DENND2B: variants seen among roughly 807,000 people sequenced by gnomAD.
DENND2B encodes the protein DENN domain-containing protein 2B.
A neutral mutation model predicts 116.0 loss-of-function variants in DENND2B; 32 were observed. The observed-to-expected ratio is 0.28, with a 90% CI of 0.21 to 0.37. DENND2B has a LOEUF of 0.37. DENND2B is among the 10% of genes least tolerant of loss of function. The pLI is 1.00. For missense variants in DENND2B, 1,276 were observed against 1,477.7 expected (o/e 0.86, Z 2.24); for synonymous variants, 588 against 583.9 (o/e 1.01, Z -0.10).
At chr11:8,773,966 G>A (rs554302646) in intron 1 of DENND2B, among the ~76,000 whole-genome samples, 1 of 152,324 alleles carries the variant, frequency 6.6e-6, no homozygotes, top group South Asian at 2.1e-4. Flanking sequence ...GGTGATCTTT[G>A]GGTATGAAAC....
At position 8,760,739 on chromosome 11, in the gene DENND2B, T is replaced by C. The variant is rs566045425; in HGVS notation, c.-25-10014A>G. 4.1e-4 allele frequency among the ~76,000 whole-genome samples: 63 copies of C among 152,332 alleles called. 1 individual carries two copies. Among genetic ancestry groups the C allele is most frequent in the Middle Eastern group, 3.4e-3 (1 of 294 alleles). On this transcript the variant is annotated intron_variant, in intron 1 of 19. Transcript: ENST00000313726. ...CTACTTCTATACACATTGTAAATCT[T>C]AGATCTTCTCCATTCCAGCCCCAGG...
intron 3 of DENND2B, among the ~76,000 whole-genome samples, chr11:8,849,153 T>G (rs553973355): frequency 2.6e-5 from 4 of 152,018 alleles, no homozygotes; most frequent in Non-Finnish European, 5.9e-5. Flanking sequence ...CACTGAACAC[T>G]TAAAATAAGA....
At chr11:8,694,558 G>A in intron 19 of DENND2B, 1 of 458,158 alleles carries the variant, frequency 2.2e-6, no homozygotes, top group South Asian at 1.5e-5. Flanking sequence ...TGATGTATGT[G>A]GGAACCTGGG....
At position 8,730,992 on chromosome 11, in the gene DENND2B, C is replaced by T. The variant is rs775023845; in HGVS notation, c.298G>A (p.Gly100Ser). ...GCCGAAGGGCTTCTGTCCAAATAAC[C>T]GAAGCTGGCGGTCTTGAAGGGACAG... ...PTCPFKTASF[G>S]YLDRSPSACK... Residue 100 changes from glycine to serine, a missense_variant, in exon 3 of 20, where the codon GGT (glycine) becomes AGT (serine). Coordinates refer to ENST00000313726, the MANE Select transcript of DENND2B (RefSeq NM_213618.2). This position sits in a 1 kb window ranked among gnomAD's most constrained non-coding sequence, Gnocchi z 4.1. 2 of 1,614,138 alleles carry T rather than the reference C, an allele frequency of 1.2e-6. No individual in the cohort carries two copies. Among genetic ancestry groups the T allele is most frequent in the Non-Finnish European group, 1.7e-6 (2 of 1,180,042 alleles).
chr11:8,846,971 G>A (rs2062837583), intron 3 of DENND2B, among the ~76,000 whole-genome samples: 1 of 151,198 alleles, frequency 6.6e-6, no homozygotes, highest in South Asian at 2.1e-4. Context: ...CAGTTCCAAT[G>A]GACACACACT....
At chr11:8,756,537 A>G (rs2053639820) in intron 1 of DENND2B, among the ~76,000 whole-genome samples, 1 of 152,224 alleles carries the variant, frequency 6.6e-6, no homozygotes, top group African/African-American at 2.4e-5. Context: ...ACAGGGGCGC[A>G]CTAGGTTAGA....
Position 8,702,818 on chromosome 11 carries a change from C to G in DENND2B, c.2572-98G>C. The G allele has an allele frequency of 6.8e-7, 1 of 1,476,048 alleles. No homozygotes were observed. The highest frequency in any genetic ancestry group is 9.2e-7 in the Non-Finnish European group (1 of 1,091,310). The allele number at this position is 1,476,048 out of a possible 1,614,324, so 91.4% of individuals were successfully genotyped here. On this transcript the variant is annotated intron_variant, in intron 13 of 19. Coordinates refer to ENST00000313726, the MANE Select transcript of DENND2B (RefSeq NM_213618.2). This position sits in a 1 kb window ranked among gnomAD's most constrained non-coding sequence, Gnocchi z 4.6. ...ACTGGAGCTGCTTTCCCCTTCCAAC[C>G]TGCTCTTTTCCAGGTCTCTCGTCTA...
intron 2 of DENND2B, among the ~76,000 whole-genome samples, chr11:8,747,941 T>A (rs1397875507): frequency 6.6e-6 from 1 of 152,122 alleles, no homozygotes; most frequent in Non-Finnish European, 1.5e-5. Flanking sequence ...AGGTGAAGTC[T>A]TACACAAATT....
At chr11:8,844,321 G>T (rs1200427096) in intron 3 of DENND2B, among the ~76,000 whole-genome samples, 1 of 152,210 alleles carries the variant, frequency 6.6e-6, no homozygotes, top group Admixed American at 6.5e-5. Context: ...GATGGCTTGA[G>T]CCCGGGAGAT....
At chr11:8,849,822 C>CA (rs10646471) in intron 3 of DENND2B, among the ~76,000 whole-genome samples, 70,729 of 140,464 alleles carry the variant, frequency 0.5, 18,695 homozygotes, top group Middle Eastern at 0.74. Context: ...GTCTCCATCT[C>CA]AAAAAAAAAA....
chr11:8,815,170 A>G (rs2061524982), upstream of DENND2B, among the ~76,000 whole-genome samples: 1 of 152,174 alleles, frequency 6.6e-6, no homozygotes, highest in Non-Finnish European at 1.5e-5. Context: ...CTCCAAGGAC[A>G]AAACACCTCC....
At chr11:8,859,387 A>G (rs2063315893) in intron 2 of DENND2B, among the ~76,000 whole-genome samples, 1 of 152,008 alleles carries the variant, frequency 6.6e-6, no homozygotes, top group Non-Finnish European at 1.5e-5. Context: ...GGCTCACTGC[A>G]AGCTCCGCCT....
chr11:8,895,186 G>A (rs1217160452), intron 1 of DENND2B, among the ~76,000 whole-genome samples: 2 of 152,022 alleles, frequency 1.3e-5, no homozygotes, highest in Non-Finnish European at 2.9e-5. Context: ...ACTCATAGGT[G>A]GGAAGTGAAC....
chr11:8,796,128 C>G (rs1442204208), intron 1 of DENND2B, among the ~76,000 whole-genome samples: 3 of 152,214 alleles, frequency 2.0e-5, no homozygotes, highest in Admixed American at 2.0e-4. Flanking sequence ...GCTGATTGGG[C>G]TGACCACAGA....
rs139942278 is a variant in DENND2B at position 8,702,586 on chromosome 11, C to T, written c.2706G>A (p.Val902=). Residue 902 remains valine (V), a synonymous_variant, in exon 14 of 20, where the codon GTG becomes GTA. Coordinates refer to ENST00000313726, the MANE Select transcript of DENND2B (RefSeq NM_213618.2). This position sits in a 1 kb window ranked among gnomAD's most constrained non-coding sequence, Gnocchi z 4.6. ...SLLLERRVIF[V]ADKLSTLSSC... is the part of the protein sequence containing the mutation. ...CTGGGCCCTACCTGAGCTTATCTGC[C>T]ACAAAAATGACCCGGCGCTCCAGCA... The T allele has an allele frequency of 7.1e-5, 114 of 1,612,850 alleles. No individual in the cohort carries two copies. The African/African-American group carries it at 1.4e-3, about 20-fold the overall frequency.
At chr11:8,909,442 AAGGAGAAGG>A (rs767193483) in intron 1 of DENND2B, among the ~76,000 whole-genome samples, 9 of 59,846 alleles carry the variant, frequency 1.5e-4, no homozygotes, top group Non-Finnish European at 3.1e-4. Flanking sequence ...GAGGAGGAAG[AAGGAGAAGG>A]AGAAGGAGAA....
At chr11:8,695,215 G>A (rs1003904659) in intron 19 of DENND2B, among the ~76,000 whole-genome samples, 2 of 152,186 alleles carry the variant, frequency 1.3e-5, no homozygotes, top group Non-Finnish European at 2.9e-5. Context: ...TTGAGCATCT[G>A]TGGATTTTGG....
chr11:8,879,464 G>A (rs2063879187), intron 2 of DENND2B, among the ~76,000 whole-genome samples: 1 of 152,178 alleles, frequency 6.6e-6, no homozygotes, highest in African/African-American at 2.4e-5. Flanking sequence ...GGATATGAAG[G>A]CAATATGAAG....
At chr11:8,740,233 T>A (rs2049959456) in intron 2 of DENND2B, among the ~76,000 whole-genome samples, 2 of 150,566 alleles carry the variant, frequency 1.3e-5, no homozygotes, top group African/African-American at 2.4e-5. Flanking sequence ...AGAAAAAGCA[T>A]CATGTGTATG....
Sources: allele counts gnomAD v4.1 joint callset (sites outside exome capture counted in the v4.1 genomes callset), GRCh38; gene constraint gnomAD v4.1.1; non-coding constraint Gnocchi (gnomAD v3.1); transcripts MANE v1.5; gene names NCBI Gene and HGNC (gene_info 2026-07-23, HGNC 2026-07-21).